SSBP2: variants seen among roughly 807,000 people sequenced by gnomAD.
SSBP2 encodes single-stranded DNA-binding protein 2.
In SSBP2, 17 loss-of-function variants were observed where a neutral mutation model predicts 61.8. The observed-to-expected ratio is 0.28, with a 90% CI of 0.19 to 0.41. SSBP2 has a LOEUF of 0.41. SSBP2 is among the 10% of genes least tolerant of loss of function. The pLI is 1.00. For missense variants in SSBP2, 310 were observed against 458.7 expected (o/e 0.68, Z 2.96); for synonymous variants, 139 against 141.3 (o/e 0.98, Z 0.12).
At chr5:81,649,297 C>CA (rs1749535281) in intron 2 of SSBP2, among the ~76,000 whole-genome samples, 1 of 152,070 alleles carries the variant, frequency 6.6e-6, no homozygotes, top group South Asian at 2.1e-4. Flanking sequence ...TAACAGAGCT[C>CA]AATAAAATCC....
Position 81,617,787 on chromosome 5 carries a change from G to C in SSBP2, c.198-2230C>G, listed in dbSNP as rs1335278168. Among the ~76,000 whole-genome samples the C allele has an allele frequency of 6.7e-5, 6 of 89,686 alleles. No individual in the cohort carries two copies. The South Asian group carries it at 1.4e-3, about 21-fold the overall frequency. 58.8% of individuals were successfully genotyped at this position (89,686 alleles called of 152,430 possible). A position where few individuals can be genotyped will look rare whatever the true frequency, so the allele number is the denominator to read the frequency against. On this transcript the variant is annotated intron_variant, in intron 3 of 16. Coordinates refer to ENST00000320672, the MANE Select transcript of SSBP2 (RefSeq NM_012446.5). ...AACCCTACAAGCCAGAAGAGAGTGG[G>C]GGCCAATATTCAACATTCTTAAAGA...
chr5:81,545,985 T>A (rs913521569), intron 4 of SSBP2, among the ~76,000 whole-genome samples: 1 of 152,228 alleles, frequency 6.6e-6, no homozygotes, highest in Admixed American at 6.5e-5. Context: ...AGGGAATGTT[T>A]AAGCACAAGC....
chr5:81,651,581 A>T (rs1749734517), intron 1 of SSBP2, among the ~76,000 whole-genome samples: 2 of 152,198 alleles, frequency 1.3e-5, no homozygotes, highest in Non-Finnish European at 1.5e-5. Flanking sequence ...AAACATCTCC[A>T]AACATATTCA....
intron 10 of SSBP2, among the ~76,000 whole-genome samples, chr5:81,453,320 A>G (rs1763902318): frequency 6.6e-6 from 1 of 152,172 alleles, no homozygotes; most frequent in Admixed American, 6.5e-5. Context: ...ACCCCACCAA[A>G]AAAAAGAGAT....
intron 1 of SSBP2, among the ~76,000 whole-genome samples, chr5:81,693,933 G>A (rs1217116510): frequency 6.6e-6 from 1 of 152,044 alleles, no homozygotes; most frequent in Non-Finnish European, 1.5e-5. Flanking sequence ...CAATCTTAGC[G>A]TCCATCAACA....
chr5:81,563,133 T>C (rs1180200035), intron 4 of SSBP2, among the ~76,000 whole-genome samples: 1 of 152,098 alleles, frequency 6.6e-6, no homozygotes, highest in African/African-American at 2.4e-5. Context: ...AGATTTACTA[T>C]AAAGCACAGC....
chr5:81,448,133 G>GT (rs1348199419), intron 11 of SSBP2: 1 of 152,126 alleles, frequency 6.6e-6, no homozygotes, highest in Admixed American at 6.5e-5. Context: ...TCTAAATGGT[G>GT]TAACGTATTT....
intron 4 of SSBP2, among the ~76,000 whole-genome samples, chr5:81,542,838 TCTCTC>T (rs1474199714): frequency 6.6e-6 from 1 of 150,942 alleles, no homozygotes. Context: ...TCTCTCTCTC[TCTCTC>T]TCTCTCTCTC....
At chr5:81,624,693 T>G (rs1746959350) in intron 3 of SSBP2, among the ~76,000 whole-genome samples, 1 of 152,166 alleles carries the variant, frequency 6.6e-6, no homozygotes, top group Non-Finnish European at 1.5e-5. Flanking sequence ...GACCAAAATA[T>G]ATGATTTTAG....
intron 4 of SSBP2, among the ~76,000 whole-genome samples, chr5:81,544,439 G>A (rs1771572989): frequency 6.6e-6 from 1 of 152,182 alleles, no homozygotes; most frequent in African/African-American, 2.4e-5. Context: ...TGGGCACCCT[G>A]TAATGTATTT....
chr5:81,492,448 G>A (rs1407826139), intron 5 of SSBP2, among the ~76,000 whole-genome samples: 1 of 152,156 alleles, frequency 6.6e-6, no homozygotes, highest in Non-Finnish European at 1.5e-5. Context: ...AGGTTGCAGT[G>A]AACGGAGATC....
At chr5:81,662,477 C>CA (rs901270699) in intron 1 of SSBP2, among the ~76,000 whole-genome samples, 1 of 151,428 alleles carries the variant, frequency 6.6e-6, no homozygotes, top group African/African-American at 2.4e-5. Flanking sequence ...CAAAAACAAA[C>CA]AAAAAAAATT....
chr5:81,645,312 CAAACAG>C (rs997106824), intron 2 of SSBP2, among the ~76,000 whole-genome samples: 2 of 152,084 alleles, frequency 1.3e-5, no homozygotes, highest in Non-Finnish European at 2.9e-5. Context: ...AGGTAAAAGG[CAAACAG>C]AACAGAGTTT....
chr5:81,612,264 G>GTTTC (rs1745525727), intron 4 of SSBP2, among the ~76,000 whole-genome samples: 1 of 152,132 alleles, frequency 6.6e-6, no homozygotes, highest in Non-Finnish European at 1.5e-5. Context: ...AAAAACAACA[G>GTTTC]ATGTCTTTCA....
At chr5:81,668,516 T>C (rs1248234383) in intron 1 of SSBP2, among the ~76,000 whole-genome samples, 1 of 152,042 alleles carries the variant, frequency 6.6e-6, no homozygotes, top group Non-Finnish European at 1.5e-5. Flanking sequence ...TTTTTACTTC[T>C]GAAATTAACC....
intron 1 of SSBP2, among the ~76,000 whole-genome samples, chr5:81,650,566 G>A (rs1749641073): frequency 6.6e-6 from 1 of 151,940 alleles, no homozygotes; most frequent in Admixed American, 6.6e-5. Flanking sequence ...TTTTTTCTTG[G>A]CAAGAAATAT....
chr5:81,747,933 A>T (rs148772247), intron 1 of SSBP2, among the ~76,000 whole-genome samples: 27 of 152,312 alleles, frequency 1.8e-4, no homozygotes, highest in African/African-American at 5.8e-4. Context: ...TCTATAATTA[A>T]GACTTGATCT....
intron 5 of SSBP2, among the ~76,000 whole-genome samples, chr5:81,489,512 A>G (rs927612542): frequency 2.6e-5 from 4 of 152,226 alleles, no homozygotes; most frequent in South Asian, 2.1e-4. Flanking sequence ...AAAATTTTCC[A>G]AAGAAAATGT....
chr5:81,471,273 ACTGT>A (rs1394399584), intron 8 of SSBP2, among the ~76,000 whole-genome samples: 3 of 151,744 alleles, frequency 2.0e-5, no homozygotes, highest in African/African-American at 4.8e-5. Flanking sequence ...AGAAATAGAA[ACTGT>A]CTTATTTTCT....
Sources: allele counts gnomAD v4.1 joint callset (sites outside exome capture counted in the v4.1 genomes callset), GRCh38; gene constraint gnomAD v4.1.1; transcripts MANE v1.5; gene names NCBI Gene and HGNC (gene_info 2026-07-23, HGNC 2026-07-21).